KIAA0825: variants seen among roughly 807,000 people sequenced by gnomAD.
KIAA0825 encodes the protein KIAA0825.
In KIAA0825, 119 loss-of-function variants were observed where a neutral mutation model predicts 147.6. That is an observed-to-expected ratio of 0.81 (90% CI 0.69 to 0.94). KIAA0825 has a LOEUF of 0.94. KIAA0825 is among the 40% of genes least tolerant of loss of function. KIAA0825 has a pLI of 0.00. For missense variants in KIAA0825, 1,381 were observed against 1,472.7 expected (o/e 0.94, Z 1.02); for synonymous variants, 470 against 518.1 (o/e 0.91, Z 1.26).
chr5:94,420,328 A>G (rs1754018705), intron 14 of KIAA0825, among the ~76,000 whole-genome samples: 1 of 152,162 alleles, frequency 6.6e-6, no homozygotes, highest in Non-Finnish European at 1.5e-5. Context: ...AGTAAAATGA[A>G]GAGAAATTAA....
intron 5 of KIAA0825, among the ~76,000 whole-genome samples, chr5:94,517,162 G>A (rs1235655874): frequency 1.3e-5 from 2 of 152,128 alleles, no homozygotes; most frequent in African/African-American, 4.8e-5. Context: ...ATACTGTTTT[G>A]CACAGCTTTT....
intron 14 of KIAA0825, among the ~76,000 whole-genome samples, chr5:94,434,595 C>T (rs78209165): frequency 2.9e-3 from 444 of 152,312 alleles, no homozygotes; most frequent in Non-Finnish European, 5.5e-3. Context: ...CACAATACCA[C>T]AGACTGGGTA....
intron 20 of KIAA0825, among the ~76,000 whole-genome samples, chr5:94,293,748 G>A (rs914892217): frequency 4.6e-5 from 7 of 152,130 alleles, no homozygotes; most frequent in Admixed American, 4.6e-4. Context: ...GGGAGTCTAA[G>A]TCTCTTTGTA....
chr5:94,388,481 T>C (rs1266238155), intron 18 of KIAA0825, among the ~76,000 whole-genome samples: 1 of 152,240 alleles, frequency 6.6e-6, no homozygotes, highest in African/African-American at 2.4e-5. Context: ...TAGATTTAGA[T>C]TATTGAACAG....
At chr5:94,414,270 G>C (rs761889958) in intron 15 of KIAA0825, 1 of 152,064 alleles carries the variant, frequency 6.6e-6, no homozygotes, top group Non-Finnish European at 1.5e-5. Context: ...TATTAGATGG[G>C]CATTTTTGAC....
At chr5:94,185,559 G>A (rs550842846) in intron 20 of KIAA0825, among the ~76,000 whole-genome samples, 1 of 152,128 alleles carries the variant, frequency 6.6e-6, no homozygotes. Context: ...CAAATTATAA[G>A]ACCCTGGAAG....
At chr5:94,182,354 G>C (rs966743526) in intron 20 of KIAA0825, among the ~76,000 whole-genome samples, 1 of 137,078 alleles carries the variant, frequency 7.3e-6, no homozygotes, top group African/African-American at 2.7e-5. Context: ...CCGCCTCCTG[G>C]GTTCCAGAGA....
rs1766614265 is a variant in KIAA0825 at position 94,152,844 on chromosome 5, A to T, written c.*1163T>A. 1.9e-4 allele frequency: 7 copies of T among 36,278 alleles called. No homozygotes were observed. The highest frequency in any genetic ancestry group is 4.0e-4 in the Admixed American group (1 of 2,518). 2.2% of individuals were successfully genotyped at this position (36,278 alleles called of 1,614,324 possible). On this transcript the variant is annotated 3_prime_UTR_variant, in exon 21 of 21. Coordinates refer to ENST00000682413, the MANE Select transcript of KIAA0825 (RefSeq NM_001145678.3). ...ATGAAAAAAAAAAAAAAAAAAAAAA[A>T]AAAAAAAAAAATTATATATATATAT... is the stretch of plus-strand genomic sequence containing the variant.
chr5:94,539,286 C>G (rs936928887), intron 2 of KIAA0825, among the ~76,000 whole-genome samples: 1 of 152,180 alleles, frequency 6.6e-6, no homozygotes, highest in Non-Finnish European at 1.5e-5. Flanking sequence ...GGGCAACCAG[C>G]AGCCCATGGG....
intron 20 of KIAA0825, among the ~76,000 whole-genome samples, chr5:94,353,319 A>T (rs1210324393): frequency 6.6e-6 from 1 of 152,238 alleles, no homozygotes; most frequent in African/African-American, 2.4e-5. Flanking sequence ...CAGAGGTTTT[A>T]CTGGGTATCA....
chr5:94,557,901 A>G (rs1389979572), intron 2 of KIAA0825, among the ~76,000 whole-genome samples: 1 of 151,968 alleles, frequency 6.6e-6, no homozygotes, highest in Non-Finnish European at 1.5e-5. Context: ...GCTGTCCACT[A>G]CTGCCTTTGC....
intron 15 of KIAA0825, among the ~76,000 whole-genome samples, chr5:94,411,906 G>A (rs148875181): frequency 1.1e-4 from 16 of 151,282 alleles, no homozygotes; most frequent in East Asian, 5.9e-4. Flanking sequence ...AAGATTGCCC[G>A]ACTGCACACC....
At position 94,517,991 on chromosome 5, in the gene KIAA0825, G is replaced by C. The variant is rs370069255; in HGVS notation, c.970+2257C>G. Among the ~76,000 whole-genome samples the C allele has an allele frequency of 4.6e-5, 7 of 152,100 alleles. No homozygotes were observed. The East Asian group carries it at 1.2e-3, about 25-fold the overall frequency. ...TGTAAAATGGAGATAATAAATAATG[G>C]TATCTACCTTGTTTGGTAGGTTAGA... On this transcript the variant is annotated intron_variant, in intron 5 of 20. Coordinates refer to ENST00000682413, the MANE Select transcript of KIAA0825 (RefSeq NM_001145678.3).
intron 12 of KIAA0825, among the ~76,000 whole-genome samples, chr5:94,461,603 T>G (rs900575784): frequency 2.6e-5 from 4 of 151,930 alleles, no homozygotes; most frequent in African/African-American, 9.7e-5. Flanking sequence ...ATAAAGGCTG[T>G]TAATTCTCTT....
chr5:94,532,768 C>T (rs892676343), intron 3 of KIAA0825, among the ~76,000 whole-genome samples: 1 of 148,154 alleles, frequency 6.7e-6, no homozygotes, highest in Non-Finnish European at 1.5e-5. Flanking sequence ...CTCCTGCCCT[C>T]AAGTGATCTT....
intron 20 of KIAA0825, among the ~76,000 whole-genome samples, chr5:94,182,156 G>C (rs1008504156): frequency 6.7e-6 from 1 of 149,868 alleles, no homozygotes; most frequent in Non-Finnish European, 1.5e-5. Flanking sequence ...AGACAATGCA[G>C]GCTCACTTCA....
At chr5:94,266,383 A>G (rs1019317620) in intron 20 of KIAA0825, among the ~76,000 whole-genome samples, 1 of 147,902 alleles carries the variant, frequency 6.8e-6, no homozygotes, top group Admixed American at 6.7e-5. Context: ...ACAACTCATG[A>G]TGTCATAAAT....
chr5:94,613,939 T>C (rs1435144460), intron 1 of KIAA0825, among the ~76,000 whole-genome samples: 1 of 152,262 alleles, frequency 6.6e-6, no homozygotes, highest in Non-Finnish European at 1.5e-5. Flanking sequence ...ATGTAAGTAT[T>C]ATATGTGTTC....
chr5:94,504,865 A>G (rs1765547181), intron 5 of KIAA0825, among the ~76,000 whole-genome samples: 1 of 150,106 alleles, frequency 6.7e-6, no homozygotes, highest in African/African-American at 2.5e-5. Context: ...CTCCTGCCTC[A>G]GCCTCCCAAG....
Sources: allele counts gnomAD v4.1 joint callset (sites outside exome capture counted in the v4.1 genomes callset), GRCh38; gene constraint gnomAD v4.1.1; transcripts MANE v1.5; gene names NCBI Gene and HGNC (gene_info 2026-07-23, HGNC 2026-07-21).